The following STAG1 variants were observed in gnomAD, a reference collection of about 807,000 sequenced individuals.
The protein encoded by STAG1 is STAG1 cohesin complex component.
A neutral mutation model predicts 170.9 loss-of-function variants in STAG1; 26 were observed. The observed-to-expected ratio is 0.15, with a 90% CI of 0.11 to 0.21. The LOEUF is 0.21. Among genes scored for constraint, STAG1 ranks in the 10% least tolerant of loss-of-function variants. The probability of loss-of-function intolerance (pLI) is 1.00; values close to 1 mark genes in which losing one functional copy is unlikely to be tolerated. For synonymous variants in STAG1, 514 were observed against 497.7 expected (o/e 1.03, Z -0.44); for missense variants, 964 against 1,509.5 (o/e 0.64, Z 5.99).
rs150499884 is a variant in STAG1, at chr3:136,349,336, G to T, written c.3093C>A (p.Thr1031=). 19 of 1,613,630 alleles carry T rather than the reference G, an allele frequency of 1.2e-5. No individual in the cohort carries two copies. The highest frequency in any genetic ancestry group is 1.7e-5 in the Admixed American group (1 of 59,980). ...CCTCCCTCCTTTCCATCATCTGCTC[G>T]GTAAGGAATTTCTCTAGGTATGAAT... ...TVHSYLEKFL[T]EQMMERREDV... Residue 1031 remains threonine (T), a synonymous_variant, in exon 29 of 34, where the codon ACC becomes ACA. Coordinates refer to ENST00000383202, the MANE Select transcript of STAG1 (RefSeq NM_005862.3).
At chr3:136,551,242 A>C (rs1360888401) in intron 5 of STAG1, among the ~76,000 whole-genome samples, 1 of 145,576 alleles carries the variant, frequency 6.9e-6, no homozygotes, top group Non-Finnish European at 1.5e-5. Context: ...AGAGAGAGAG[A>C]GAGAGAGAGA....
At chr3:136,580,868 AT>A (rs886870972) in intron 4 of STAG1, among the ~76,000 whole-genome samples, 2 of 151,586 alleles carry the variant, frequency 1.3e-5, no homozygotes, top group South Asian at 2.1e-4. Flanking sequence ...TTTTCACCAA[AT>A]TTTTTTCTCA....
intron 1 of STAG1, among the ~76,000 whole-genome samples, chr3:136,641,986 A>G (rs576291287): frequency 6.6e-6 from 1 of 152,256 alleles, no homozygotes; most frequent in Non-Finnish European, 1.5e-5. Flanking sequence ...AGATCTAAGG[A>G]CATGAAGAAA....
chr3:136,459,108 C>T (rs2107788521), intron 13 of STAG1, among the ~76,000 whole-genome samples: 1 of 151,872 alleles, frequency 6.6e-6, no homozygotes, highest in South Asian at 2.1e-4. Flanking sequence ...GTCCCAGCTA[C>T]TCGGGAGGCT....
intron 9 of STAG1, among the ~76,000 whole-genome samples, chr3:136,478,574 A>C (rs2089824156): frequency 6.6e-6 from 1 of 152,194 alleles, no homozygotes; most frequent in East Asian, 1.9e-4. Context: ...CAATTTACAA[A>C]AGGCAATAAT....
intron 7 of STAG1, among the ~76,000 whole-genome samples, chr3:136,503,289 C>G (rs2107868332): frequency 6.6e-6 from 1 of 152,280 alleles, no homozygotes; most frequent in Admixed American, 6.5e-5. Flanking sequence ...AACCTCCAAA[C>G]CCTGAAAAAC....
In STAG1 at chr3:136,422,580, C is replaced by T. The variant is rs377588470; in HGVS notation, c.1867G>A (p.Val623Ile). The change falls in exon 19 of 34, where the codon GTT becomes ATT. Residue 623 changes from valine (V) to isoleucine (I), a missense_variant. By Grantham distance (29) the Val-to-Ile change is conservative (BLOSUM62 3). Transcript: ENST00000383202. The part of the protein sequence containing the change: ...LDALLKQIKF[V>I]VEKHVESDVL... Reference sequence around the variant, plus strand: ...TCTGATTCTACGTGTTTCTCCACAACAAACTTAATCTGTTTTAATAAAGCA... The same window carrying T: ...TCTGATTCTACGTGTTTCTCCACAATAAACTTAATCTGTTTTAATAAAGCA... 11 of 1,613,742 alleles carry T rather than the reference C, an allele frequency of 6.8e-6. No homozygotes were observed. The highest frequency in any genetic ancestry group is 9.3e-6 in the Non-Finnish European group (11 of 1,179,950).
intron 7 of STAG1, among the ~76,000 whole-genome samples, chr3:136,512,086 C>T (rs1418484841): frequency 9.8e-6 from 1 of 102,334 alleles, no homozygotes; most frequent in Non-Finnish European, 1.9e-5. Flanking sequence ...AAGACCTCTT[C>T]TCTACAAAAT....
intron 1 of STAG1, among the ~76,000 whole-genome samples, chr3:136,743,919 A>G (rs1934804661): frequency 6.6e-6 from 1 of 152,254 alleles, no homozygotes; most frequent in African/African-American, 2.4e-5. Flanking sequence ...TTAACTTTTG[A>G]AAACCATCAT....
chr3:136,623,085 C>A, intron 3 of STAG1, 61 bp downstream of exon 3: 1 of 1,407,070 alleles, frequency 7.1e-7, no homozygotes, highest in Non-Finnish European at 9.9e-7. Context: ...ATTAACAACT[C>A]ATATAAACTC....
At chr3:136,419,624 T>TG (rs200171555) in intron 20 of STAG1, among the ~76,000 whole-genome samples, 1,249 of 33,724 alleles carry the variant, frequency 0.037, 4 homozygotes, top group Admixed American at 0.1. Context: ...TTTGTGTGTG[T>TG]TTTTTTTTTT....
rs1374610020 is a variant in STAG1 at position 136,337,674 on chromosome 3, G to A, written c.*580C>T. On this transcript the variant is annotated 3_prime_UTR_variant, in exon 34 of 34. Coordinates refer to ENST00000383202, the MANE Select transcript of STAG1 (RefSeq NM_005862.3). ...TTTTTGGCAGAGATGTACTATGTCA[G>A]AATTTCATCTTAGCTTGTCAATGTT... 1 of 152,646 alleles carries A rather than the reference G, an allele frequency of 6.6e-6. No individual in the cohort carries two copies. Among genetic ancestry groups the A allele is most frequent in the African/African-American group, 2.4e-5 (1 of 41,452 alleles). 9.5% of individuals were successfully genotyped at this position (152,646 alleles called of 1,614,324 possible).
intron 22 of STAG1, among the ~76,000 whole-genome samples, chr3:136,388,104 G>C (rs2086915526): frequency 1.3e-5 from 2 of 152,168 alleles, no homozygotes; most frequent in Admixed American, 1.3e-4. Flanking sequence ...ACAAAGATTA[G>C]GACTGCGACT....
intron 7 of STAG1, 28 bp from the exon 8 acceptor site, chr3:136,502,807 C>A: frequency 6.6e-7 from 1 of 1,513,224 alleles, no homozygotes; most frequent in Non-Finnish European, 8.8e-7. Flanking sequence ...ATTATAATAC[C>A]TATGAATCAA....
intron 7 of STAG1, among the ~76,000 whole-genome samples, chr3:136,512,096 TAAAAAA>T (rs35238532): frequency 2.3e-4 from 16 of 68,316 alleles, no homozygotes; most frequent in South Asian, 1.9e-3. Context: ...CTCTACAAAA[TAAAAAA>T]AAAAAAAAAA....
intron 4 of STAG1, 86 bp from the exon 5 acceptor site, chr3:136,568,947 G>A (rs567781846): frequency 2.1e-6 from 2 of 939,496 alleles, no homozygotes; most frequent in South Asian, 3.1e-5. Flanking sequence ...GTGTGTTTGT[G>A]TGTGTTTCTA....
At chr3:136,606,809 C>A in intron 3 of STAG1, among the ~76,000 whole-genome samples, 1 of 145,880 alleles carries the variant, frequency 6.9e-6, no homozygotes, top group African/African-American at 2.5e-5. Flanking sequence ...CGTGCAATGG[C>A]GTGATCTCAG....
intron 13 of STAG1, among the ~76,000 whole-genome samples, chr3:136,457,833 T>C (rs940338449): frequency 2.0e-5 from 3 of 152,246 alleles, no homozygotes; most frequent in South Asian, 2.1e-4. Flanking sequence ...TGGTGATTCA[T>C]GCCTGTAATC....
At chr3:136,529,423 C>T (rs1471281262) in intron 6 of STAG1, among the ~76,000 whole-genome samples, 2 of 152,072 alleles carry the variant, frequency 1.3e-5, no homozygotes, top group East Asian at 1.9e-4. Flanking sequence ...CTTCATCAGA[C>T]TACCAGTAAA....
Sources: allele counts gnomAD v4.1 joint callset (sites outside exome capture counted in the v4.1 genomes callset), GRCh38; gene constraint gnomAD v4.1.1; transcripts MANE v1.5; gene names NCBI Gene and HGNC (gene_info 2026-07-23, HGNC 2026-07-21).